The following FAM234A variants were observed in gnomAD, a reference collection of about 807,000 sequenced individuals.
FAM234A encodes the protein protein FAM234A.
Under a neutral mutation model 49.1 loss-of-function variants are expected in FAM234A, and 42 were observed. That is an observed-to-expected ratio of 0.86 (90% CI 0.67 to 1.11). The LOEUF is 1.11. Ranked by LOEUF, FAM234A falls within the 50% of genes least tolerant of loss-of-function variation. The pLI is 0.00. For missense variants in FAM234A, 815 were observed against 745.2 expected (o/e 1.09, Z -1.09); for synonymous variants, 369 against 316.2 (o/e 1.17, Z -1.77).
intron 2 of FAM234A, among the ~76,000 whole-genome samples, chr16:250,747 A>C (rs2050970754): frequency 6.6e-6 from 1 of 152,010 alleles, no homozygotes; most frequent in Admixed American, 6.6e-5. Context: ...CCTGGCCCCC[A>C]CGAGTCTACT....
chr16:245,876 T>C (rs1174524821), intron 1 of FAM234A, among the ~76,000 whole-genome samples: 1 of 152,164 alleles, frequency 6.6e-6, no homozygotes, highest in Non-Finnish European at 1.5e-5. Flanking sequence ...AACATTCTCT[T>C]CTATTTTCTT....
downstream of FAM234A, chr16:268,278 T>C: frequency 4.4e-6 from 1 of 225,532 alleles, no homozygotes; most frequent in Non-Finnish European, 9.0e-6. Context: ...ACATGCACCG[T>C]CACACCATAA....
At position 254,565 on chromosome 16, in the gene FAM234A, C is replaced by A. The variant is rs765566976; in HGVS notation, c.152C>A (p.Ala51Glu). 66 of 1,614,020 alleles carry A rather than the reference C, an allele frequency of 4.1e-5. No individual in the cohort carries two copies. Among genetic ancestry groups the A allele is most frequent in the Non-Finnish European group, 5.2e-5 (61 of 1,180,034 alleles). ...QSRLSRCRAA[A>E]FFLSLFLCLF... Reference sequence around the variant, plus strand: ...CGGCTCTCCCGGTGCCGAGCGGCGGCGTTTTTTCTTTCATTGTTTCTCTGC... The same window carrying A: ...CGGCTCTCCCGGTGCCGAGCGGCGGAGTTTTTTCTTTCATTGTTTCTCTGC... Residue 51 changes from alanine (A) to glutamate (E), a missense_variant, in exon 3 of 13, where the codon GCG becomes GAG. By Grantham distance (107) the Ala-to-Glu change is moderately radical. Transcript: ENST00000399932.
At chr16:241,102 G>A (rs1276878930) in intron 1 of FAM234A, among the ~76,000 whole-genome samples, 1 of 151,782 alleles carries the variant, frequency 6.6e-6, no homozygotes, top group Non-Finnish European at 1.5e-5. Context: ...GTATTTTTTT[G>A]TGGAGGTAGG....
chr16:269,526 C>T, downstream of FAM234A: 2 of 1,613,320 alleles, frequency 1.2e-6, no homozygotes, highest in Non-Finnish European at 1.7e-6. Context: ...CCAGCGGGAT[C>T]CCAGCCTCTG....
chr16:256,173 G>A (rs537838989), intron 3 of FAM234A, among the ~76,000 whole-genome samples: 3 of 152,334 alleles, frequency 2.0e-5, no homozygotes, highest in South Asian at 2.1e-4. Context: ...GAACATTCAC[G>A]TGCAGATCTT....
At chr16:268,223 CAG>C (rs201650292), downstream of FAM234A, 2 of 195,382 alleles carry the variant, frequency 1.0e-5, no homozygotes, top group African/African-American at 2.3e-5. Flanking sequence ...ACGTGTGCCT[CAG>C]TGCTACACAT....
At chr16:266,182 G>A (rs923692453), downstream of FAM234A, 5 of 847,546 alleles carry the variant, frequency 5.9e-6, no homozygotes, top group African/African-American at 9.2e-5. Context: ...GTTCCTGGAG[G>A]AGTGACCAGG....
At chr16:243,941 C>A (rs1488593371) in intron 1 of FAM234A, among the ~76,000 whole-genome samples, 1 of 151,966 alleles carries the variant, frequency 6.6e-6, no homozygotes, top group Non-Finnish European at 1.5e-5. Flanking sequence ...CTGTGCATAT[C>A]CGTTTTTTCC....
chr16:263,881 G>A (rs1170282993), intron 10 of FAM234A, 106 bp downstream of exon 10: 47 of 1,390,402 alleles, frequency 3.4e-5, no homozygotes, highest in Non-Finnish European at 1.7e-5. Context: ...CGTCAGAGCT[G>A]CTGAGAAGGT....
downstream of FAM234A, chr16:268,260 CATGT>C (rs1334121278): frequency 4.5e-6 from 1 of 223,640 alleles, no homozygotes; most frequent in African/African-American, 2.2e-5. Context: ...CACACCCATG[CATGT>C]GTCACATGCA....
downstream of FAM234A, chr16:269,731 C>A (rs946558516): frequency 6.0e-5 from 38 of 633,940 alleles, no homozygotes; most frequent in Non-Finnish European, 9.8e-5. Flanking sequence ...CCGCCTCGGA[C>A]CTGCCCAGAC....
At chr16:262,586 A>T in intron 8 of FAM234A, 33 bp downstream of exon 8, 3 of 1,545,790 alleles carry the variant, frequency 1.9e-6, no homozygotes, top group Non-Finnish European at 2.6e-6. Context: ...CTCCATGCAG[A>T]GCGCCCACCC....
intron 1 of FAM234A, among the ~76,000 whole-genome samples, chr16:238,079 C>T (rs967523814): frequency 6.6e-6 from 1 of 152,064 alleles, no homozygotes; most frequent in Non-Finnish European, 1.5e-5. Context: ...AGTGCAGTGG[C>T]TCCATCTTGG....
At position 264,058 on chromosome 16, in the gene FAM234A, C is replaced by T. The variant is rs1380935254; in HGVS notation, c.1231C>T (p.Leu411=). 11 of 1,613,118 alleles carry T rather than the reference C, an allele frequency of 6.8e-6. No homozygotes were observed. The African/African-American group carries it at 1.5e-4, about 22-fold the overall frequency. The change falls in exon 11 of 13, where the codon CTA becomes TTA. Residue 411 remains leucine (L), a synonymous_variant. Coordinates refer to ENST00000399932, the MANE Select transcript of FAM234A (RefSeq NM_032039.4). The part of the protein sequence containing the change: ...DLGTGAVLCS[L]ALPSLPGGPL... Reference sequence around the variant, plus strand: ...TGGCACTGGAGCCGTCCTGTGTAGCCTAGCCCTCCCGAGCCTCCCTGGGGG... The same window carrying T: ...TGGCACTGGAGCCGTCCTGTGTAGCTTAGCCCTCCCGAGCCTCCCTGGGGG...
intron 1 of FAM234A, among the ~76,000 whole-genome samples, chr16:238,514 C>G (rs1284504484): frequency 6.6e-6 from 1 of 152,022 alleles, no homozygotes. Context: ...CGCCTGTAAT[C>G]CCAGCCCTTT....
chr16:243,924 A>G (rs915473506), intron 1 of FAM234A, among the ~76,000 whole-genome samples: 2 of 152,120 alleles, frequency 1.3e-5, no homozygotes, highest in Admixed American at 1.3e-4. Context: ...GAGTATTGTT[A>G]TAAATGCTGT....
rs1025374674 is a variant in FAM234A, at chr16:266,024, G to A, written c.*1002G>A. 2.9e-5 allele frequency: 29 copies of A among 985,882 alleles called. No homozygotes were observed. Among genetic ancestry groups the A allele is most frequent in the Middle Eastern group, 5.2e-4 (1 of 1,938 alleles). 61.1% of individuals were successfully genotyped at this position (985,882 alleles called of 1,614,324 possible). Reference sequence around the variant, plus strand: ...GCCCAGGTCACAGAGCCTGAGCTTCGTAGCCAAAGCAGCCTGATGACCCAC... The same window carrying A: ...GCCCAGGTCACAGAGCCTGAGCTTCATAGCCAAAGCAGCCTGATGACCCAC... On this transcript the variant is annotated 3_prime_UTR_variant, in exon 13 of 13. Coordinates refer to ENST00000399932, the MANE Select transcript of FAM234A (RefSeq NM_032039.4).
chr16:241,063 G>C (rs1421805882), intron 1 of FAM234A, among the ~76,000 whole-genome samples: 1 of 151,962 alleles, frequency 6.6e-6, no homozygotes, highest in Non-Finnish European at 1.5e-5. Flanking sequence ...GGGACTAGAG[G>C]CACATACCAC....
Sources: allele counts gnomAD v4.1 joint callset (sites outside exome capture counted in the v4.1 genomes callset), GRCh38; gene constraint gnomAD v4.1.1; transcripts MANE v1.5; gene names NCBI Gene and HGNC (gene_info 2026-07-23, HGNC 2026-07-21).